TMEM135: variants seen among roughly 807,000 people sequenced by gnomAD.
TMEM135 encodes peroxisomal membrane protein 52.
A neutral mutation model predicts 60.3 loss-of-function variants in TMEM135; 30 were observed. That is an observed-to-expected ratio of 0.50 (90% confidence interval 0.37 to 0.68). The LOEUF is 0.68. TMEM135 is among the 30% of genes least tolerant of loss of function. The pLI is 0.00. For synonymous variants in TMEM135, 190 were observed against 186.7 expected (o/e 1.02, Z -0.14); for missense variants, 468 against 548.8 (o/e 0.85, Z 1.47).
chr11:87,256,451 GTTTAC>G (rs1941530347), intron 6 of TMEM135, among the ~76,000 whole-genome samples: 1 of 152,078 alleles, frequency 6.6e-6, no homozygotes, highest in Non-Finnish European at 1.5e-5. Flanking sequence ...TTTTGGGTTT[GTTTAC>G]TTAAATTATG....
At chr11:87,118,269 A>G (rs186163158) in intron 4 of TMEM135, among the ~76,000 whole-genome samples, 39 of 152,266 alleles carry the variant, frequency 2.6e-4, no homozygotes, top group African/African-American at 8.9e-4. Context: ...CACCAGTTGT[A>G]TGGAAAGTCA....
chr11:87,280,764 C>T (rs1309038441), intron 6 of TMEM135, among the ~76,000 whole-genome samples: 1 of 152,186 alleles, frequency 6.6e-6, no homozygotes, highest in Admixed American at 6.5e-5. Flanking sequence ...CTGCCTGGCA[C>T]ATTGTCAACT....
intron 5 of TMEM135, among the ~76,000 whole-genome samples, chr11:87,166,292 A>G (rs939543297): frequency 6.6e-6 from 1 of 151,776 alleles, no homozygotes; most frequent in African/African-American, 2.4e-5. Flanking sequence ...TTTGCTGTGC[A>G]GAAACTCTTT....
intron 10 of TMEM135, among the ~76,000 whole-genome samples, chr11:87,311,479 A>G (rs1942640641): frequency 6.6e-6 from 1 of 152,068 alleles, no homozygotes; most frequent in Admixed American, 6.6e-5. Context: ...ATTTATTCTT[A>G]ACATAAACTC....
At chr11:87,247,706 G>A (rs1405302228) in intron 6 of TMEM135, among the ~76,000 whole-genome samples, 2 of 152,314 alleles carry the variant, frequency 1.3e-5, no homozygotes, top group South Asian at 2.1e-4. Flanking sequence ...AAGCCTGTCG[G>A]AAAAGCGCAG....
At chr11:87,208,460 A>G (rs1352309560) in intron 5 of TMEM135, among the ~76,000 whole-genome samples, 1 of 152,194 alleles carries the variant, frequency 6.6e-6, no homozygotes, top group Non-Finnish European at 1.5e-5. Flanking sequence ...AGCTGAGGAA[A>G]GAATTGAAGA....
intron 6 of TMEM135, among the ~76,000 whole-genome samples, chr11:87,247,078 CG>C (rs1321508012): frequency 6.7e-6 from 1 of 148,242 alleles, no homozygotes; most frequent in Non-Finnish European, 1.5e-5. Flanking sequence ...ACAGACAGGA[CG>C]CTCAGCTGCA....
intron 5 of TMEM135, among the ~76,000 whole-genome samples, chr11:87,166,640 C>G (rs1427664171): frequency 1.3e-5 from 2 of 151,538 alleles, no homozygotes; most frequent in Non-Finnish European, 2.9e-5. Context: ...TTTCTGAGGC[C>G]TCTGTTCTGT....
At chr11:87,088,090 C>T (rs1451513887) in intron 3 of TMEM135, among the ~76,000 whole-genome samples, 1 of 152,008 alleles carries the variant, frequency 6.6e-6, no homozygotes, top group South Asian at 2.1e-4. Flanking sequence ...CCCTCAAATA[C>T]CTGTGAATTG....
In TMEM135 at chr11:87,327,135, C is replaced by T. The variant is rs914236906; in HGVS notation, c.*5802C>T. ...CTTCTTGTCCAGATACTTTTCCAAC[C>T]AGCCTTTACTCGGAGGTGTTCATGT... On this transcript the variant is annotated 3_prime_UTR_variant, in exon 15 of 15. Coordinates refer to ENST00000305494, the MANE Select transcript of TMEM135 (RefSeq NM_022918.4). 3 of 453,856 alleles carry T rather than the reference C, an allele frequency of 6.6e-6. No individual in the cohort carries two copies. Among genetic ancestry groups the T allele is most frequent in the African/African-American group, 6.0e-5 (3 of 49,928 alleles). The allele number at this position is 453,856 out of a possible 1,614,324, so 28.1% of individuals were successfully genotyped here.
chr11:87,135,926 T>C (rs1279168582), intron 4 of TMEM135, among the ~76,000 whole-genome samples: 1 of 152,076 alleles, frequency 6.6e-6, no homozygotes, highest in African/African-American at 2.4e-5. Flanking sequence ...GCAGTGTTTT[T>C]ACTTTTCAGT....
chr11:87,311,640 T>C (rs529214160), intron 10 of TMEM135, among the ~76,000 whole-genome samples: 1 of 152,128 alleles, frequency 6.6e-6, no homozygotes, highest in Admixed American at 6.5e-5. Context: ...AAACAAATGG[T>C]ATTAAAGTAA....
intron 6 of TMEM135, among the ~76,000 whole-genome samples, chr11:87,289,175 T>C (rs552618313): frequency 3.9e-5 from 6 of 152,320 alleles, no homozygotes; most frequent in African/African-American, 1.2e-4. Context: ...TTTTAAAAAA[T>C]TGAGAAATAA....
chr11:87,242,157 C>T (rs470357), intron 6 of TMEM135, among the ~76,000 whole-genome samples: 96,334 of 147,784 alleles, frequency 0.65, 31,854 homozygotes, highest in Non-Finnish European at 0.7. Context: ...CAATTTCATC[C>T]ATGTCCCTAC....
At chr11:87,056,801 C>T (rs926611032) in intron 1 of TMEM135, among the ~76,000 whole-genome samples, 2 of 152,172 alleles carry the variant, frequency 1.3e-5, no homozygotes, top group African/African-American at 4.8e-5. Context: ...CCAATATTCA[C>T]CCAATTTGTC....
intron 5 of TMEM135, among the ~76,000 whole-genome samples, chr11:87,227,807 A>G (rs1258366397): frequency 3.9e-5 from 6 of 152,200 alleles, no homozygotes; most frequent in African/African-American, 1.4e-4. Flanking sequence ...GTCTGTTTTC[A>G]GAAAAGTTGA....
At chr11:87,062,496 C>T (rs1565425438) in intron 1 of TMEM135, among the ~76,000 whole-genome samples, 1 of 129,666 alleles carries the variant, frequency 7.7e-6, no homozygotes, top group Non-Finnish European at 1.5e-5. Flanking sequence ...TGGAGTCTCA[C>T]TCTGTCGCCC....
chr11:87,058,585 C>T (rs1204132468), intron 1 of TMEM135, among the ~76,000 whole-genome samples: 1 of 151,780 alleles, frequency 6.6e-6, no homozygotes, highest in Non-Finnish European at 1.5e-5. Flanking sequence ...CCCGCCTTGG[C>T]CTATGATAAA....
At chr11:87,158,123 G>A (rs1031613233) in intron 5 of TMEM135, among the ~76,000 whole-genome samples, 1 of 152,090 alleles carries the variant, frequency 6.6e-6, no homozygotes, top group Non-Finnish European at 1.5e-5. Flanking sequence ...ATGGGGTCTT[G>A]CTATGTTGCT....
Sources: allele counts gnomAD v4.1 joint callset (sites outside exome capture counted in the v4.1 genomes callset), GRCh38; gene constraint gnomAD v4.1.1; transcripts MANE v1.5; gene names NCBI Gene and HGNC (gene_info 2026-07-23, HGNC 2026-07-21).